SCN2A: variants seen among roughly 807,000 people sequenced by gnomAD.
The protein encoded by SCN2A is sodium channel protein type 2 subunit alpha.
Under a neutral mutation model 188.7 loss-of-function variants are expected in SCN2A, and 20 were observed. The ratio of observed to expected loss-of-function variants is 0.11; its 90% CI spans 0.07 to 0.15. SCN2A has a LOEUF of 0.15. Ranked by LOEUF, SCN2A falls within the 10% of genes least tolerant of loss-of-function variation. The pLI is 1.00. For synonymous variants in SCN2A, 804 were observed against 833.1 expected, an observed-to-expected ratio of 0.97 and a Z score of 0.60; for missense variants, 1,278 against 2,445.0, an observed-to-expected ratio of 0.52 and a Z score of 10.07.
chr2:165,276,187 C>A (rs1695335127), intron 1 of SCN2A, among the ~76,000 whole-genome samples: 1 of 151,090 alleles, frequency 6.6e-6, no homozygotes, highest in African/African-American at 2.4e-5. Flanking sequence ...TTGGTCATGC[C>A]AAATAGTAAT....
chr2:165,280,915 AT>A (rs1695557176), intron 1 of SCN2A, among the ~76,000 whole-genome samples: 2 of 152,196 alleles, frequency 1.3e-5, no homozygotes, highest in Non-Finnish European at 2.9e-5. Flanking sequence ...AACAATATAA[AT>A]AATTATTAAT....
At chr2:165,322,657 A>G (rs1212178132) in intron 11 of SCN2A, among the ~76,000 whole-genome samples, 1 of 152,200 alleles carries the variant, frequency 6.6e-6, no homozygotes, top group Non-Finnish European at 1.5e-5. Flanking sequence ...CATCCCTACT[A>G]GCAAGATTAA....
At chr2:165,338,516 T>C (rs1699135498) in intron 14 of SCN2A, among the ~76,000 whole-genome samples, 1 of 151,986 alleles carries the variant, frequency 6.6e-6, no homozygotes, top group Non-Finnish European at 1.5e-5. Flanking sequence ...CGTCTCGGCC[T>C]CCCAAAGTGC....
intron 1 of SCN2A, among the ~76,000 whole-genome samples, chr2:165,251,358 A>G (rs1286631718): frequency 6.6e-6 from 1 of 152,110 alleles, no homozygotes; most frequent in East Asian, 1.9e-4. Flanking sequence ...AGAAACGATA[A>G]TATGTGTAGA....
At chr2:165,288,988 A>G (rs1695979001) in intron 1 of SCN2A, among the ~76,000 whole-genome samples, 1 of 152,154 alleles carries the variant, frequency 6.6e-6, no homozygotes, top group Non-Finnish European at 1.5e-5. Context: ...GGCCACTTCC[A>G]GAAAAAAAGA....
chr2:165,388,130 G>C (rs1280068358), intron 26 of SCN2A, among the ~76,000 whole-genome samples: 1 of 152,032 alleles, frequency 6.6e-6, no homozygotes, highest in African/African-American at 2.4e-5. Context: ...ATGCATAAAA[G>C]CAAGTGCCAG....
intron 1 of SCN2A, among the ~76,000 whole-genome samples, chr2:165,262,882 T>A (rs528429645): frequency 1.3e-5 from 2 of 152,292 alleles, no homozygotes; most frequent in South Asian, 4.1e-4. Context: ...GTAAAAGTGT[T>A]CCCTTTTTAC....
intron 10 of SCN2A, 46 bp downstream of exon 10, chr2:165,314,154 T>A: frequency 6.3e-7 from 1 of 1,578,918 alleles, no homozygotes; most frequent in South Asian, 1.1e-5. Context: ...TTATCTAAAT[T>A]CTTTAACCTA....
intron 1 of SCN2A, among the ~76,000 whole-genome samples, chr2:165,255,328 T>C (rs1694266681): frequency 6.6e-6 from 1 of 152,030 alleles, no homozygotes; most frequent in South Asian, 2.1e-4. Flanking sequence ...GCCTCATAAA[T>C]GAAACTATCT....
At chr2:165,370,366 G>T in intron 20 of SCN2A, 67 bp downstream of exon 20, 1 of 1,498,586 alleles carries the variant, frequency 6.7e-7, no homozygotes, top group Non-Finnish European at 9.3e-7. Flanking sequence ...AATGGTGCCT[G>T]ACACAGTGTA....
chr2:165,244,232 ACT>A (rs1299196339), intron 1 of SCN2A, among the ~76,000 whole-genome samples: 9 of 152,084 alleles, frequency 5.9e-5, no homozygotes, highest in African/African-American at 2.2e-4. Flanking sequence ...ATAGAGGGAA[ACT>A]CTGAGTCAAA....
chr2:165,390,510 T>C lies in SCN2A; in HGVS notation c.*686T>C, dbSNP rs1702083508. On this transcript the variant is annotated 3_prime_UTR_variant, in exon 27 of 27. Transcript: ENST00000375437. The stretch of plus-strand genomic sequence containing the variant: ...CTATTCGTATTTTTAAGGTGTCTCA[T>C]CCAGAAAAAATTTAATGTGCCTGTA... The C allele has an allele frequency of 1.3e-5, 2 of 152,528 alleles. No homozygotes were observed. Among genetic ancestry groups the C allele is most frequent in the African/African-American group, 4.8e-5 (2 of 41,340 alleles). The allele number at this position is 152,528 out of a possible 1,614,324, so 9.4% of individuals were successfully genotyped here.
Position 165,256,000 on chromosome 2 carries a change from C to CTTTTTTTTTTT in SCN2A, c.-52+16370_-52+16380dup, listed in dbSNP as rs765804959. Among the ~76,000 whole-genome samples, 137 of 88,458 alleles carry CTTTTTTTTTTT rather than the reference C, an allele frequency of 1.5e-3. 6 individuals carry two copies. The highest frequency in any genetic ancestry group is 4.0e-3 in the African/African-American group (83 of 20,564). The allele number at this position is 88,458 out of a possible 152,430, so 58.0% of individuals were successfully genotyped here. On this transcript the variant is annotated intron_variant, in intron 1 of 26. Coordinates refer to ENST00000375437, the MANE Select transcript of SCN2A (RefSeq NM_001040142.2). ...AAATGTTTTCATTTGGGGCTCTTTT[C>CTTTTTTTTTTT]TTTTTTTTTTTTTTTTTTTTGGTGA...
chr2:165,245,601 G>T (rs1438916647), intron 1 of SCN2A, among the ~76,000 whole-genome samples: 1 of 151,540 alleles, frequency 6.6e-6, no homozygotes, highest in Non-Finnish European at 1.5e-5. Context: ...TGTGAGGAGT[G>T]CTTAGACCTA....
intron 3 of SCN2A, among the ~76,000 whole-genome samples, chr2:165,306,532 G>A (rs1697148584): frequency 7.1e-6 from 1 of 140,744 alleles, no homozygotes; most frequent in African/African-American, 2.5e-5. Flanking sequence ...GTGTGTGTGT[G>A]TGTGTGTGTG....
At position 165,377,936 on chromosome 2, in the gene SCN2A, C is replaced by G. The variant is rs73969392; in HGVS notation, c.4308+286C>G. On this transcript the variant is annotated intron_variant, in intron 23 of 26. Coordinates refer to ENST00000375437, the MANE Select transcript of SCN2A (RefSeq NM_001040142.2). Reference sequence around the variant, plus strand: ...TCAAAATGAGACATTTTATTTTTGGCTCTGATAGTCCTGGTCATTTGTGCA... The same window carrying G: ...TCAAAATGAGACATTTTATTTTTGGGTCTGATAGTCCTGGTCATTTGTGCA... 0.016 allele frequency among the ~76,000 whole-genome samples: 2,442 copies of G among 151,822 alleles called. 64 individuals are homozygous for G. The highest frequency in any genetic ancestry group is 0.055 in the African/African-American group (2,299 of 41,474).
At chr2:165,347,629 T>C (rs1699669171) in intron 16 of SCN2A, among the ~76,000 whole-genome samples, 1 of 152,074 alleles carries the variant, frequency 6.6e-6, no homozygotes, top group African/African-American at 2.4e-5. Flanking sequence ...AACACTAGTG[T>C]CCTGAATCTT....
At chr2:165,351,907 G>T (rs1699940522) in intron 16 of SCN2A, among the ~76,000 whole-genome samples, 1 of 149,806 alleles carries the variant, frequency 6.7e-6, no homozygotes, top group Admixed American at 6.7e-5. Flanking sequence ...AATATAATGT[G>T]ATAGGGATGT....
chr2:165,252,543 C>T (rs772366605), intron 1 of SCN2A, among the ~76,000 whole-genome samples: 1 of 151,918 alleles, frequency 6.6e-6, no homozygotes, highest in Non-Finnish European at 1.5e-5. Context: ...AAAAGAGCAT[C>T]ATGCCATTAA....
Sources: allele counts gnomAD v4.1 joint callset (sites outside exome capture counted in the v4.1 genomes callset), GRCh38; gene constraint gnomAD v4.1.1; transcripts MANE v1.5; gene names NCBI Gene and HGNC (gene_info 2026-07-23, HGNC 2026-07-21).